AGBL1: variants seen among roughly 807,000 people sequenced by gnomAD.
AGBL1 encodes the protein AGBL carboxypeptidase 1.
A neutral mutation model predicts 118.9 loss-of-function variants in AGBL1; 130 were observed. The ratio of observed to expected loss-of-function variants is 1.09; its 90% CI spans 0.95 to 1.26. AGBL1 has a LOEUF of 1.26. Ranked by LOEUF, AGBL1 falls within the 50% of genes most tolerant of loss-of-function variation. AGBL1 has a pLI of 0.00. For synonymous variants in AGBL1, 555 were observed against 478.9 expected (o/e 1.16, Z -2.08); for missense variants, 1,584 against 1,298.1 (o/e 1.22, Z -3.38).
At chr15:86,185,988 T>C (rs2077626689) in intron 5 of AGBL1, among the ~76,000 whole-genome samples, 1 of 152,236 alleles carries the variant, frequency 6.6e-6, no homozygotes, top group Non-Finnish European at 1.5e-5. Flanking sequence ...CTTTTGTTTT[T>C]GAAAATTACC....
intron 18 of AGBL1, among the ~76,000 whole-genome samples, chr15:86,467,866 G>T (rs559804054): frequency 4.9e-4 from 75 of 152,292 alleles, no homozygotes; most frequent in African/African-American, 1.8e-3. Context: ...TGGAAATGAA[G>T]AAATCACTCA....
chr15:86,240,651 T>C (rs531140512), intron 6 of AGBL1, among the ~76,000 whole-genome samples: 1 of 152,310 alleles, frequency 6.6e-6, no homozygotes, highest in East Asian at 1.9e-4. Context: ...AGTTGCATGG[T>C]CTTCTGTTCT....
At chr15:86,277,892 G>A (rs2079283357) in intron 15 of AGBL1, among the ~76,000 whole-genome samples, 2 of 152,204 alleles carry the variant, frequency 1.3e-5, no homozygotes, top group Non-Finnish European at 2.9e-5. Context: ...ACTCTTCCAC[G>A]CTTTGATTGG....
intron 7 of AGBL1, among the ~76,000 whole-genome samples, chr15:86,255,387 A>G (rs1050889888): frequency 2.6e-5 from 4 of 152,220 alleles, no homozygotes; most frequent in Admixed American, 6.5e-5. Context: ...CCTGCTGTGT[A>G]TCCTGAGGCT....
intron 23 of AGBL1, among the ~76,000 whole-genome samples, chr15:86,944,124 A>G (rs2080788186): frequency 6.6e-6 from 1 of 152,122 alleles, no homozygotes; most frequent in Non-Finnish European, 1.5e-5. Flanking sequence ...TAATCCCAGC[A>G]CTTTGGGAGG....
intron 21 of AGBL1, among the ~76,000 whole-genome samples, chr15:86,649,006 C>T (rs572285106): frequency 6.7e-6 from 1 of 150,188 alleles, no homozygotes; most frequent in Non-Finnish European, 1.5e-5. Context: ...ATGAAGAGAC[C>T]CTTTTTAAGA....
intron 17 of AGBL1, among the ~76,000 whole-genome samples, chr15:86,385,050 G>A (rs2081163332): frequency 1.3e-5 from 2 of 152,206 alleles, no homozygotes; most frequent in South Asian, 4.2e-4. Flanking sequence ...CGGCAGCCAC[G>A]AGCCTCCTGA....
At position 86,264,819 on chromosome 15, in the gene AGBL1, C is replaced by G; in HGVS notation, c.1648C>G (p.Arg550Gly). ...PPPTTQPMLE[R>G]KCGVQRIRIF... Reference sequence around the variant, plus strand: ...TCCCACCACCCAGCCTATGTTGGAACGAAAATGTGGAGTCCAAAGGTGATG... The same window carrying G: ...TCCCACCACCCAGCCTATGTTGGAAGGAAAATGTGGAGTCCAAAGGTGATG... Residue 550 changes from arginine to glycine, a missense_variant, in exon 11 of 23, where the codon CGA becomes GGA. Arg to Gly is a moderately radical substitution (Grantham distance 125, BLOSUM62 -2). Transcript: ENST00000614907. The G allele has an allele frequency of 1.9e-6, 3 of 1,608,042 alleles. No individual in the cohort carries two copies. Among genetic ancestry groups the G allele is most frequent in the Non-Finnish European group, 2.5e-6 (3 of 1,177,744 alleles).
chr15:86,542,139 A>G (rs1476366086), intron 19 of AGBL1, among the ~76,000 whole-genome samples: 2 of 152,196 alleles, frequency 1.3e-5, no homozygotes, highest in South Asian at 2.1e-4. Context: ...ACATTTAGTA[A>G]GGTCAAGATT....
At chr15:86,760,135 T>G (rs2078003178) in intron 22 of AGBL1, among the ~76,000 whole-genome samples, 1 of 152,116 alleles carries the variant, frequency 6.6e-6, no homozygotes, top group Non-Finnish European at 1.5e-5. Flanking sequence ...CTAGTTTGTC[T>G]TTTTAGTATT....
intron 22 of AGBL1, among the ~76,000 whole-genome samples, chr15:86,695,073 T>G (rs561220889): frequency 6.6e-6 from 1 of 152,178 alleles, no homozygotes; most frequent in South Asian, 2.1e-4. Flanking sequence ...GTTATGTCTT[T>G]TCCCGGTTTG....
chr15:86,643,169 A>G (rs1003242537), intron 21 of AGBL1, among the ~76,000 whole-genome samples: 1 of 152,194 alleles, frequency 6.6e-6, no homozygotes, highest in African/African-American at 2.4e-5. Flanking sequence ...GCTCCTTATA[A>G]GCTCATATAA....
intron 17 of AGBL1, among the ~76,000 whole-genome samples, chr15:86,305,728 C>A (rs1219188286): frequency 6.6e-6 from 1 of 152,102 alleles, no homozygotes; most frequent in Non-Finnish European, 1.5e-5. Context: ...CACACACATG[C>A]ACACTCACAT....
intron 19 of AGBL1, among the ~76,000 whole-genome samples, chr15:86,535,531 C>T (rs919977680): frequency 6.6e-6 from 1 of 152,226 alleles, no homozygotes; most frequent in Admixed American, 6.5e-5. Flanking sequence ...CCTCTTGGCT[C>T]TCACTATGTG....
chr15:86,774,430 A>G (rs1373316474), intron 22 of AGBL1, among the ~76,000 whole-genome samples: 1 of 152,146 alleles, frequency 6.6e-6, no homozygotes, highest in Non-Finnish European at 1.5e-5. Context: ...TGTTTTATTC[A>G]ATTTATTCGT....
chr15:86,752,475 G>C (rs567322311), intron 22 of AGBL1, among the ~76,000 whole-genome samples: 1 of 152,076 alleles, frequency 6.6e-6, no homozygotes, highest in Non-Finnish European at 1.5e-5. Context: ...TAATGAGTTT[G>C]AGTCTAGTGA....
At chr15:86,879,527 T>G (rs1379569553) in intron 22 of AGBL1, among the ~76,000 whole-genome samples, 6 of 152,190 alleles carry the variant, frequency 3.9e-5, no homozygotes, top group Non-Finnish European at 8.8e-5. Context: ...CTTGCCCTCT[T>G]GCTAGTTTCA....
chr15:86,131,749 G>A (rs1035889304), intron 1 of AGBL1, among the ~76,000 whole-genome samples: 1 of 151,968 alleles, frequency 6.6e-6, no homozygotes, highest in African/African-American at 2.4e-5. Flanking sequence ...AGGAGTTCAA[G>A]GCCAGCCTGG....
intron 18 of AGBL1, among the ~76,000 whole-genome samples, chr15:86,516,685 C>T (rs748477820): frequency 6.6e-6 from 1 of 151,770 alleles, no homozygotes; most frequent in Non-Finnish European, 1.5e-5. Context: ...CCTGTAATCC[C>T]AGCTACTCTG....
Sources: allele counts gnomAD v4.1 joint callset (sites outside exome capture counted in the v4.1 genomes callset), GRCh38; gene constraint gnomAD v4.1.1; transcripts MANE v1.5; gene names NCBI Gene and HGNC (gene_info 2026-07-23, HGNC 2026-07-21).